The following PRRG2 variants were observed in gnomAD, a reference collection of about 807,000 sequenced individuals.
PRRG2 encodes proline rich and Gla domain 2, also known as transmembrane gamma-carboxyglutamic acid protein 2.
PRRG2 carries 23 observed loss-of-function variants against 27.1 expected under a neutral mutation model. That is an observed-to-expected ratio of 0.85 (90% confidence interval 0.61 to 1.20). PRRG2 has a LOEUF of 1.20. PRRG2 is among the 50% of genes most tolerant of loss of function. The pLI is 0.00. For missense variants in PRRG2, 276 were observed against 254.8 expected (o/e 1.08, Z -0.57); for synonymous variants, 104 against 103.4 (o/e 1.01, Z -0.03).
chr19:49,583,401 C>G (rs1218046141), intron 2 of PRRG2, 97 bp downstream of exon 2: 1 of 1,513,884 alleles, frequency 6.6e-7, no homozygotes, highest in Non-Finnish European at 9.1e-7. Flanking sequence ...AGTCCAGGAC[C>G]CAGCCCCTTC....
chr19:49,584,308 C>T (rs999847889), intron 4 of PRRG2, among the ~76,000 whole-genome samples: 1 of 151,714 alleles, frequency 6.6e-6, no homozygotes, highest in South Asian at 2.1e-4. Flanking sequence ...GTAGCTGGGA[C>T]TACAGGCACC....
chr19:49,590,323 G>A, intron 6 of PRRG2, 48 bp from the exon 7 acceptor site: 2 of 1,613,860 alleles, frequency 1.2e-6, no homozygotes, highest in East Asian at 2.2e-5. Flanking sequence ...GAAGGGGGGA[G>A]AAAAACAGCC....
At chr19:49,590,144 G>C in intron 6 of PRRG2, 92 bp downstream of exon 6, 1 of 1,391,252 alleles carries the variant, frequency 7.2e-7, no homozygotes, top group African/African-American at 1.5e-5. Flanking sequence ...CTTGGAATTT[G>C]GGCCTTCTTA....
intron 4 of PRRG2, among the ~76,000 whole-genome samples, chr19:49,584,918 G>A (rs1012988473): frequency 2.0e-5 from 3 of 152,138 alleles, no homozygotes; most frequent in Admixed American, 6.5e-5. Context: ...CAGCCCCTCC[G>A]GCAGCTTGAT....
rs2080714969 is a variant in PRRG2 at position 49,590,710 on chromosome 19, C to A, written c.*321C>A. The A allele has an allele frequency of 6.6e-6, 3 of 453,958 alleles. No homozygotes were observed. The Admixed American group carries it at 1.1e-4, about 16-fold the overall frequency. 28.1% of individuals were successfully genotyped at this position (453,958 alleles called of 1,614,324 possible). A position where few individuals can be genotyped will look rare whatever the true frequency, so the allele number is the denominator to read the frequency against. ...ACCCAGGAGCCCAGCCCCGGCTGTG[C>A]CATCTTGTGTATGGGCAGATATGAC... On this transcript the variant is annotated 3_prime_UTR_variant, in exon 7 of 7. Coordinates refer to ENST00000246794, the MANE Select transcript of PRRG2 (RefSeq NM_000951.3).
At chr19:49,583,340 GC>G in intron 2 of PRRG2, 36 bp downstream of exon 2, 1 of 1,601,046 alleles carries the variant, frequency 6.2e-7, no homozygotes, top group Non-Finnish European at 8.6e-7. Flanking sequence ...CAGACACTTG[GC>G]GTTGGCCTCC....
chr19:49,587,019 T>C (rs1181862273), intron 4 of PRRG2, among the ~76,000 whole-genome samples: 2 of 151,878 alleles, frequency 1.3e-5, no homozygotes, highest in African/African-American at 2.4e-5. Context: ...TAGCCAGGCA[T>C]GGTGGCACAC....
In PRRG2 at chr19:49,588,500, G is replaced by C. The variant is rs538503371; in HGVS notation, c.305G>C (p.Arg102Pro). ...ESYIYNGKGG[R>P]GRVDVASLAV... is the part of the protein sequence containing the mutation. The stretch of plus-strand genomic sequence containing the variant: ...CCCCTTCCCTACTTTCCTGCAGGGC[G>C]TGGACGAGTGGATGTGGCCAGCCTG... Residue 102 changes from arginine (R) to proline (P), a missense_variant, in exon 5 of 7, where the codon CGT becomes CCT. Transcript: ENST00000246794. 6.3e-7 allele frequency: 1 copy of C among 1,591,040 alleles called. No homozygotes were observed. Among genetic ancestry groups the C allele is most frequent in the Non-Finnish European group, 8.6e-7 (1 of 1,169,178 alleles).
At chr19:49,584,757 C>G (rs2080656636) in intron 4 of PRRG2, among the ~76,000 whole-genome samples, 1 of 152,218 alleles carries the variant, frequency 6.6e-6, no homozygotes, top group African/African-American at 2.4e-5. Context: ...AGGCCCCCCA[C>G]CACATCTTAT....
At chr19:49,587,361 C>G (rs115762726) in intron 4 of PRRG2, among the ~76,000 whole-genome samples, 2,633 of 144,714 alleles carry the variant, frequency 0.018, 83 homozygotes, top group African/African-American at 0.065. Context: ...GACAGAGTCT[C>G]TCTCTGTCAT....
intron 4 of PRRG2, among the ~76,000 whole-genome samples, chr19:49,585,755 C>A (rs545044814): frequency 6.6e-6 from 1 of 151,936 alleles, no homozygotes; most frequent in Non-Finnish European, 1.5e-5. Context: ...AGAGATCGCA[C>A]CATTGCACTC....
In PRRG2 at chr19:49,583,878, T is replaced by C. The variant is rs1354344378; in HGVS notation, c.262-35T>C. 1.9e-6 allele frequency: 3 copies of C among 1,611,510 alleles called. No individual in the cohort carries two copies. In the East Asian group the frequency reaches 6.7e-5, roughly 36 times the overall value. Reference sequence around the variant, plus strand: ...GTGAACCTCCCAGCTGAATTCCTGCTTTTTCCCCTTCTTTTCCACTCCTTC... The same window carrying C: ...GTGAACCTCCCAGCTGAATTCCTGCCTTTTCCCCTTCTTTTCCACTCCTTC... On this transcript the variant is annotated intron_variant, in intron 3 of 6. Coordinates refer to ENST00000246794, the MANE Select transcript of PRRG2 (RefSeq NM_000951.3).
At chr19:49,588,688 C>A in intron 5 of PRRG2, 56 bp downstream of exon 5, 1 of 1,490,864 alleles carries the variant, frequency 6.7e-7, no homozygotes, top group Non-Finnish European at 8.9e-7. Flanking sequence ...AGGGAGGAAG[C>A]ATTGACCTAA....
rs931791810 is a variant in PRRG2 at position 49,582,725 on chromosome 19, G to A, written c.-13-482G>A. On this transcript the variant is annotated intron_variant, in intron 1 of 6. Coordinates refer to ENST00000246794, the MANE Select transcript of PRRG2 (RefSeq NM_000951.3). ...TACTAAAAATACAAAAAAATTAGCC[G>A]GGCATGGTGGCCGGCACCTGTAGTC... is the stretch of plus-strand genomic sequence containing the variant. Among the ~76,000 whole-genome samples, 4 of 151,908 alleles carry A rather than the reference G, an allele frequency of 2.6e-5. No homozygotes were observed. The South Asian group carries it at 6.2e-4, about 24-fold the overall frequency.
At chr19:49,588,663 G>A (rs1393120536) in intron 5 of PRRG2, 31 bp downstream of exon 5, 3 of 1,514,048 alleles carry the variant, frequency 2.0e-6, no homozygotes, top group South Asian at 2.5e-5. Flanking sequence ...AGGGGGTGGT[G>A]GTGGAGAGCA....
In PRRG2 at chr19:49,583,724, G is replaced by A. The variant is rs756075768; in HGVS notation, c.261+7G>A. 9.3e-6 allele frequency: 15 copies of A among 1,613,178 alleles called. No homozygotes were observed. In the African/African-American group the frequency reaches 9.4e-5, roughly 10 times the overall value. On this transcript the variant is annotated splice_region_variant and intron_variant, in intron 3 of 6. Transcript: ENST00000246794. ...TGAGGACAACACTCTCACGGTGAGG[G>A]CCTCGAGACCCTGGAGTTTCGGGCC...
Position 49,588,514 on chromosome 19 carries a change from G to A in PRRG2, c.319G>A (p.Val107Met). Residue 107 changes from valine to methionine, a missense_variant, in exon 5 of 7, where the codon GTG (valine) becomes ATG (methionine). Physicochemically the swap from Val to Met is conservative, Grantham distance 21 (BLOSUM62 1). Transcript: ENST00000246794. ...NGKGGRGRVD[V>M]ASLAVGLTGG... ...TCCTGCAGGGCGTGGACGAGTGGATGTGGCCAGCCTGGCTGTGGGGCTGAC... is the reference window on the plus strand; with the variant it reads ...TCCTGCAGGGCGTGGACGAGTGGATATGGCCAGCCTGGCTGTGGGGCTGAC... 2 of 1,590,778 alleles carry A rather than the reference G, an allele frequency of 1.3e-6. No homozygotes were observed. The highest frequency in any genetic ancestry group is 1.7e-6 in the Non-Finnish European group (2 of 1,169,056).
At chr19:49,581,063 G>A (rs74491170), upstream of PRRG2, among the ~76,000 whole-genome samples, 580 of 152,232 alleles carry the variant, frequency 3.8e-3, no homozygotes, top group Middle Eastern at 6.8e-3. Flanking sequence ...AAGGCATATC[G>A]TTCCCGCTAG....
rs2080621716 is a variant in PRRG2 at position 49,581,387 on chromosome 19, C to T, written c.-108C>T. ...AGTGGGGCGCCCCTCCTCCTTATCC[C>T]CTCCCCTCTTCCCTGTCCCCTTTCA... On this transcript the variant is annotated 5_prime_UTR_variant, in exon 1 of 7. Transcript: ENST00000246794. The T allele has an allele frequency of 6.6e-6, 1 of 152,316 alleles. No homozygotes were observed. The highest frequency in any genetic ancestry group is 1.5e-5 in the Non-Finnish European group (1 of 68,140). 9.4% of individuals were successfully genotyped at this position (152,316 alleles called of 1,614,324 possible).
Sources: gnomAD v4.1 joint callset for allele counts (sites outside exome capture counted in the v4.1 genomes callset) on GRCh38, gnomAD v4.1.1 for gene constraint, MANE v1.5 for transcripts, NCBI Gene and HGNC (gene_info 2026-07-23, HGNC 2026-07-21) for gene names.